PBX3: variants seen among roughly 807,000 people sequenced by gnomAD.
PBX3 encodes the protein PBX homeobox 3.
PBX3 carries 14 observed loss-of-function variants against 48.5 expected under a neutral mutation model. The observed-to-expected ratio is 0.29, with a 90% confidence interval of 0.19 to 0.45. The LOEUF (loss-of-function observed/expected upper bound fraction) is 0.45. Ranked by LOEUF, PBX3 falls within the 20% of genes least tolerant of loss-of-function variation. PBX3 has a pLI of 1.00. For missense variants in PBX3, 386 were observed against 546.7 expected, an observed-to-expected ratio of 0.71 and a Z score of 2.93; for synonymous variants, 210 against 200.3, an observed-to-expected ratio of 1.05 and a Z score of -0.41.
intron 2 of PBX3, among the ~76,000 whole-genome samples, chr9:125,760,675 A>G (rs956340827): frequency 6.6e-6 from 1 of 152,204 alleles, no homozygotes; most frequent in Non-Finnish European, 1.5e-5. Flanking sequence ...GCATGATGGC[A>G]CATTGTGCAT....
chr9:125,904,075 C>G (rs542012902), intron 2 of PBX3, among the ~76,000 whole-genome samples: 66 of 151,948 alleles, frequency 4.3e-4, no homozygotes, highest in African/African-American at 1.5e-3. Flanking sequence ...TATTATTAAC[C>G]TGCCTTTGAT....
chr9:125,856,983 T>C (rs1004790454), intron 2 of PBX3, among the ~76,000 whole-genome samples: 1 of 152,218 alleles, frequency 6.6e-6, no homozygotes, highest in African/African-American at 2.4e-5. Flanking sequence ...TACAGTTTAA[T>C]TTCTTGAAAG....
intron 2 of PBX3, among the ~76,000 whole-genome samples, chr9:125,862,979 C>A (rs756118917): frequency 6.6e-6 from 1 of 152,160 alleles, no homozygotes; most frequent in African/African-American, 2.4e-5. Flanking sequence ...ACTGCTGCAA[C>A]CTCTGCCTCC....
At chr9:125,860,223 A>G (rs1839828999) in intron 2 of PBX3, among the ~76,000 whole-genome samples, 1 of 152,194 alleles carries the variant, frequency 6.6e-6, no homozygotes, top group Admixed American at 6.5e-5. Context: ...CAACTTCTGG[A>G]TGTTTTATCT....
At chr9:125,854,793 T>A (rs545134578) in intron 2 of PBX3, among the ~76,000 whole-genome samples, 4 of 152,346 alleles carry the variant, frequency 2.6e-5, no homozygotes, top group South Asian at 4.1e-4. Context: ...TGAAAGAGTT[T>A]GTGTTTTGGT....
chr9:125,889,509 C>T (rs1447027407), intron 2 of PBX3, among the ~76,000 whole-genome samples: 3 of 152,198 alleles, frequency 2.0e-5, no homozygotes, highest in Non-Finnish European at 2.9e-5. Flanking sequence ...TTTTTGTTCT[C>T]AGTCACCTTG....
rs1473485274 is a variant in PBX3, at chr9:125,959,516, C to T, written c.844-1168C>T. The stretch of plus-strand genomic sequence containing the variant: ...CTGCTCCTTCCAGAAGGATGAGTGC[C>T]ATAGGTTGAAGAATGGGAATTCTAT... On this transcript the variant is annotated intron_variant, in intron 5 of 8. Coordinates refer to ENST00000373489, the MANE Select transcript of PBX3 (RefSeq NM_006195.6). 3.9e-5 allele frequency among the ~76,000 whole-genome samples: 6 copies of T among 152,208 alleles called. No individual in the cohort carries two copies. In the East Asian group the frequency reaches 1.2e-3, roughly 29 times the overall value.
chr9:125,815,270 G>T (rs547614913), intron 2 of PBX3, among the ~76,000 whole-genome samples: 1 of 152,284 alleles, frequency 6.6e-6, no homozygotes, highest in East Asian at 1.9e-4. Flanking sequence ...ACCTCTTGCT[G>T]TTCTTCTCCT....
intron 2 of PBX3, among the ~76,000 whole-genome samples, chr9:125,766,380 A>T (rs1029795129): frequency 6.6e-6 from 1 of 152,150 alleles, no homozygotes; most frequent in Non-Finnish European, 1.5e-5. Context: ...CATTGCTATC[A>T]TTAATGATAA....
chr9:125,920,116 T>A (rs1034815690), intron 3 of PBX3, among the ~76,000 whole-genome samples: 5 of 152,170 alleles, frequency 3.3e-5, no homozygotes, highest in African/African-American at 4.8e-5. Context: ...AACAAAACTA[T>A]TTTATTTTCT....
rs1837219160 is a variant in PBX3, at chr9:125,780,183, G to A, written c.274+31560G>A. On this transcript the variant is annotated intron_variant, in intron 2 of 8. Transcript: ENST00000373489. ...CCTCCCGGACGGGGCGGCTGGCCGGGCGAGGTGCTGATCCCCCCACCTCCC... is the reference window on the plus strand; with the variant it reads ...CCTCCCGGACGGGGCGGCTGGCCGGACGAGGTGCTGATCCCCCCACCTCCC... Among the ~76,000 whole-genome samples the A allele has an allele frequency of 2.1e-5, 3 of 139,562 alleles. No homozygotes were observed. The South Asian group carries it at 6.8e-4, about 31-fold the overall frequency. The allele number at this position is 139,562 out of a possible 152,430, so 91.6% of individuals were successfully genotyped here. A position where few individuals can be genotyped will look rare whatever the true frequency, so the allele number is the denominator to read the frequency against.
chr9:125,909,039 A>C (rs1237588220), intron 2 of PBX3, among the ~76,000 whole-genome samples: 2 of 152,062 alleles, frequency 1.3e-5, no homozygotes, highest in Non-Finnish European at 2.9e-5. Context: ...TGTGTAGCTG[A>C]CAGTGCTTAT....
At chr9:125,787,997 A>G (rs746342451) in intron 2 of PBX3, among the ~76,000 whole-genome samples, 2 of 152,198 alleles carry the variant, frequency 1.3e-5, no homozygotes, top group African/African-American at 4.8e-5. Flanking sequence ...AATATCTTAT[A>G]TGCTCCCTGA....
chr9:125,914,307 C>A (rs1176995465), intron 2 of PBX3, among the ~76,000 whole-genome samples: 2 of 152,166 alleles, frequency 1.3e-5, no homozygotes, highest in African/African-American at 4.8e-5. Context: ...GTTTTATTAT[C>A]CAGTTGAAAT....
At chr9:125,780,221 C>G (rs1477290790) in intron 2 of PBX3, among the ~76,000 whole-genome samples, 1 of 131,132 alleles carries the variant, frequency 7.6e-6, no homozygotes, top group African/African-American at 2.9e-5. Context: ...CCGGACGGGT[C>G]GGCTGGCCGG....
intron 2 of PBX3, among the ~76,000 whole-genome samples, chr9:125,818,294 T>C (rs993672467): frequency 4.0e-5 from 6 of 151,612 alleles, no homozygotes; most frequent in Admixed American, 6.6e-5. Flanking sequence ...ACTTAAGTTA[T>C]GAAGTTTGAA....
chr9:125,894,004 TCA>T (rs1840711231), intron 2 of PBX3, among the ~76,000 whole-genome samples: 1 of 152,040 alleles, frequency 6.6e-6, no homozygotes, highest in Non-Finnish European at 1.5e-5. Flanking sequence ...GTTTTTAAGC[TCA>T]CAGTTTTTGT....
intron 2 of PBX3, among the ~76,000 whole-genome samples, chr9:125,813,258 T>C (rs937492322): frequency 2.5e-4 from 34 of 135,248 alleles, no homozygotes; most frequent in Admixed American, 1.8e-3. Context: ...TTTTTATTAA[T>C]TTTTTTTACT....
chr9:125,782,302 A>G (rs1837342177), intron 2 of PBX3, among the ~76,000 whole-genome samples: 1 of 152,146 alleles, frequency 6.6e-6, no homozygotes, highest in South Asian at 2.1e-4. Flanking sequence ...TGAGACCAGC[A>G]TGGGGAATGA....
Sources: gnomAD v4.1 joint callset for allele counts (sites outside exome capture counted in the v4.1 genomes callset) on GRCh38, gnomAD v4.1.1 for gene constraint, MANE v1.5 for transcripts, NCBI Gene and HGNC (gene_info 2026-07-23, HGNC 2026-07-21) for gene names.